Variants in PTPRD observed in about 807,000 individuals in gnomAD.
PTPRD encodes receptor-type tyrosine-protein phosphatase delta.
In PTPRD, 34 loss-of-function variants were observed where a neutral mutation model predicts 214.5. That is an observed-to-expected ratio of 0.16 (90% CI 0.12 to 0.21). PTPRD has a LOEUF of 0.21. Ranked by LOEUF, PTPRD falls within the 10% of genes least tolerant of loss-of-function variation. The pLI is 1.00. For missense variants in PTPRD, 2,545 were observed against 2,398.7 expected, an observed-to-expected ratio of 1.06 and a Z score of -1.27; for synonymous variants, 1,128 against 845.7, an observed-to-expected ratio of 1.33 and a Z score of -5.79.
chr9:8,775,154 C>A (rs2095418658), intron 11 of PTPRD, among the ~76,000 whole-genome samples: 1 of 152,092 alleles, frequency 6.6e-6, no homozygotes, highest in African/African-American at 2.4e-5. Context: ...AAATAAAATA[C>A]ATCATTAAAA....
intron 5 of PTPRD, among the ~76,000 whole-genome samples, chr9:9,793,673 G>A (rs188212670): frequency 1.3e-5 from 2 of 151,670 alleles, no homozygotes; most frequent in African/African-American, 4.8e-5. Flanking sequence ...TATTTTCAAA[G>A]GTTTCAAATT....
intron 14 of PTPRD, among the ~76,000 whole-genome samples, chr9:8,561,316 C>A (rs1455375884): frequency 3.3e-5 from 5 of 152,140 alleles, no homozygotes; most frequent in Admixed American, 3.3e-4. Flanking sequence ...AAAAAACCAC[C>A]CGACTGAAGG....
intron 3 of PTPRD, among the ~76,000 whole-genome samples, chr9:10,142,906 A>G (rs2098996311): frequency 6.7e-6 from 1 of 150,298 alleles, no homozygotes; most frequent in Admixed American, 6.7e-5. Context: ...CTGGATTAAG[A>G]AAATGTGGCA....
At chr9:9,136,433 C>G (rs2099851016) in intron 10 of PTPRD, among the ~76,000 whole-genome samples, 1 of 152,066 alleles carries the variant, frequency 6.6e-6, no homozygotes, top group African/African-American at 2.4e-5. Flanking sequence ...TTCAAATCAT[C>G]ATCTGAACTC....
At chr9:9,039,873 G>A (rs2099633879) in intron 10 of PTPRD, among the ~76,000 whole-genome samples, 1 of 152,084 alleles carries the variant, frequency 6.6e-6, no homozygotes, top group South Asian at 2.1e-4. Context: ...TGAGCTCAAA[G>A]CTGGTGGGCT....
intron 7 of PTPRD, among the ~76,000 whole-genome samples, chr9:9,730,109 G>A (rs1473534190): frequency 6.6e-6 from 1 of 151,926 alleles, no homozygotes; most frequent in Admixed American, 6.6e-5. Context: ...AATATTTTTG[G>A]TACATATAAA....
chr9:9,606,521 T>C (rs992814761), intron 7 of PTPRD, among the ~76,000 whole-genome samples: 1 of 152,058 alleles, frequency 6.6e-6, no homozygotes, highest in African/African-American at 2.4e-5. Context: ...GATCTCCCAA[T>C]ATTTGGGAAG....
chr9:8,500,172 T>C (rs143109777), intron 24 of PTPRD, among the ~76,000 whole-genome samples: 288 of 151,376 alleles, frequency 1.9e-3, no homozygotes, highest in Non-Finnish European at 2.7e-3. Flanking sequence ...CAAAGAGGTA[T>C]AGCATTGAAA....
intron 2 of PTPRD, among the ~76,000 whole-genome samples, chr9:10,358,778 A>G (rs536449641): frequency 2.5e-4 from 38 of 152,134 alleles, no homozygotes; most frequent in African/African-American, 9.1e-4. Context: ...CATTTGATAG[A>G]AAATTAATAT....
intron 9 of PTPRD, among the ~76,000 whole-genome samples, chr9:9,254,115 A>T (rs1358736196): frequency 6.6e-6 from 1 of 152,044 alleles, no homozygotes; most frequent in African/African-American, 2.4e-5. Flanking sequence ...ATTTGAATTA[A>T]TTACATCTTC....
At chr9:8,966,284 A>C (rs1057345671) in intron 11 of PTPRD, among the ~76,000 whole-genome samples, 1 of 152,150 alleles carries the variant, frequency 6.6e-6, no homozygotes, top group Non-Finnish European at 1.5e-5. Context: ...AAGATCCCAA[A>C]TAGCCAAAGC....
At chr9:9,999,895 G>C (rs1000193821) in intron 4 of PTPRD, among the ~76,000 whole-genome samples, 3 of 152,134 alleles carry the variant, frequency 2.0e-5, no homozygotes, top group Non-Finnish European at 4.4e-5. Flanking sequence ...GATCTTGTTT[G>C]GTAAATTCTT....
Position 9,504,603 on chromosome 9 carries a change from T to C in PTPRD, c.-237+70129A>G, listed in dbSNP as rs74847158. Among the ~76,000 whole-genome samples, 80 of 151,764 alleles carry C rather than the reference T, an allele frequency of 5.3e-4. 1 individual carries two copies. The East Asian group carries it at 0.014, about 27-fold the overall frequency. Reference sequence around the variant, plus strand: ...TCTAAGATGAGATACAAGGCAAAGATGCCTACGCTCACCATTTCTTTCAAC... The same window carrying C: ...TCTAAGATGAGATACAAGGCAAAGACGCCTACGCTCACCATTTCTTTCAAC... On this transcript the variant is annotated intron_variant, in intron 8 of 45. Coordinates refer to ENST00000381196, the MANE Select transcript of PTPRD (RefSeq NM_002839.4).
At chr9:8,350,099 T>G (rs781357751) in intron 39 of PTPRD, among the ~76,000 whole-genome samples, 1 of 152,144 alleles carries the variant, frequency 6.6e-6, no homozygotes, top group African/African-American at 2.4e-5. Context: ...AAAAACATGA[T>G]TGAGTTAGTC....
chr9:10,568,079 T>C (rs952121480), intron 2 of PTPRD, among the ~76,000 whole-genome samples: 2 of 151,814 alleles, frequency 1.3e-5, no homozygotes. Context: ...ACTCGTCATT[T>C]AGCATTAGGT....
chr9:9,383,928 CT>C (rs1219803823), intron 9 of PTPRD, among the ~76,000 whole-genome samples: 2 of 151,940 alleles, frequency 1.3e-5, no homozygotes, highest in African/African-American at 4.8e-5. Flanking sequence ...TAATTCAATG[CT>C]TGTTCCAGAA....
intron 5 of PTPRD, among the ~76,000 whole-genome samples, chr9:9,904,126 A>G (rs1171427041): frequency 6.6e-6 from 1 of 152,044 alleles, no homozygotes; most frequent in Non-Finnish European, 1.5e-5. Flanking sequence ...CTCTTCTCAC[A>G]AAGAATCTCT....
At chr9:8,618,102 T>C (rs2095672141) in intron 14 of PTPRD, among the ~76,000 whole-genome samples, 1 of 152,118 alleles carries the variant, frequency 6.6e-6, no homozygotes, top group South Asian at 2.1e-4. Flanking sequence ...GCAGTCTTAA[T>C]TTGCAGATGC....
At chr9:9,788,819 A>G (rs1000804559) in intron 5 of PTPRD, among the ~76,000 whole-genome samples, 1 of 152,166 alleles carries the variant, frequency 6.6e-6, no homozygotes, top group African/African-American at 2.4e-5. Context: ...TTGACATGCA[A>G]TAATCAGTGA....
Sources: gnomAD v4.1 joint callset for allele counts (sites outside exome capture counted in the v4.1 genomes callset) on GRCh38, gnomAD v4.1.1 for gene constraint, MANE v1.5 for transcripts, NCBI Gene and HGNC (gene_info 2026-07-23, HGNC 2026-07-21) for gene names.